NMT1: variants seen among roughly 807,000 people sequenced by gnomAD.
The protein encoded by NMT1 is N-myristoyltransferase 1.
A neutral mutation model predicts 63.4 loss-of-function variants in NMT1; 12 were observed. The observed-to-expected ratio is 0.19, with a 90% confidence interval of 0.12 to 0.31. NMT1 has a LOEUF of 0.31. Among genes scored for constraint, NMT1 ranks in the 10% least tolerant of loss-of-function variants. The pLI is 1.00. For synonymous variants in NMT1, 228 were observed against 234.3 expected, an observed-to-expected ratio of 0.97 and a Z score of 0.25; for missense variants, 432 against 634.6, an observed-to-expected ratio of 0.68 and a Z score of 3.43.
chr17:45,102,606 G>A (rs1264860817), intron 8 of NMT1, among the ~76,000 whole-genome samples: 1 of 152,230 alleles, frequency 6.6e-6, no homozygotes, highest in Non-Finnish European at 1.5e-5. Flanking sequence ...GTGGGCAGAA[G>A]GTACAGCTAG....
At chr17:45,091,536 CA>C (rs1319898445) in intron 3 of NMT1, among the ~76,000 whole-genome samples, 2 of 151,804 alleles carry the variant, frequency 1.3e-5, no homozygotes, top group Non-Finnish European at 2.9e-5. Flanking sequence ...GGAAATAATT[CA>C]GGGGGAAAAA....
chr17:45,096,129 A>G (rs1176434385), intron 4 of NMT1, 65 bp from the exon 5 acceptor site: 29 of 1,181,014 alleles, frequency 2.5e-5, no homozygotes, highest in Middle Eastern at 1.9e-4. Flanking sequence ...CTAGAGCCCC[A>G]GGGTATTGGA....
At chr17:45,089,861 C>T (rs1430885596) in intron 3 of NMT1, among the ~76,000 whole-genome samples, 2 of 151,704 alleles carry the variant, frequency 1.3e-5, no homozygotes, top group African/African-American at 4.8e-5. Flanking sequence ...TGGTCTCAAA[C>T]TCCTAGGCTC....
chr17:45,084,382 T>G lies in NMT1; in HGVS notation c.241-2126T>G, dbSNP rs141026691. Among the ~76,000 whole-genome samples, 237 of 148,336 alleles carry G rather than the reference T, an allele frequency of 1.6e-3. 2 individuals are homozygous for G. The highest frequency in any genetic ancestry group is 5.4e-3 in the African/African-American group (214 of 39,898). The stretch of plus-strand genomic sequence containing the variant: ...CGGAGTCTCGCTCTGTCGCCCAGGC[T>G]AGAGTGCAGTGGCGCAGTCTTGGCT... On this transcript the variant is annotated intron_variant, in intron 2 of 11. Coordinates refer to ENST00000258960, the MANE Select transcript of NMT1 (RefSeq NM_021079.5).
At chr17:45,080,731 A>C (rs1369961383) in intron 1 of NMT1, among the ~76,000 whole-genome samples, 1 of 151,898 alleles carries the variant, frequency 6.6e-6, no homozygotes, top group Non-Finnish European at 1.5e-5. Flanking sequence ...GGCCTCCCAA[A>C]GTGCTGAGAT....
At chr17:45,101,790 A>G (rs568584780) in intron 8 of NMT1, among the ~76,000 whole-genome samples, 1 of 152,204 alleles carries the variant, frequency 6.6e-6, no homozygotes, top group South Asian at 2.1e-4. Context: ...AATCAGGCTA[A>G]TCCACCTAGT....
intron 1 of NMT1, among the ~76,000 whole-genome samples, chr17:45,078,749 C>A (rs896335102): frequency 1.5e-4 from 23 of 151,930 alleles, no homozygotes; most frequent in African/African-American, 5.1e-4. Flanking sequence ...GCAGGCTCCT[C>A]CTCCCAGGCT....
chr17:45,100,562 C>T (rs1465070792), intron 8 of NMT1, among the ~76,000 whole-genome samples: 2 of 142,266 alleles, frequency 1.4e-5, no homozygotes, highest in African/African-American at 2.6e-5. Flanking sequence ...AGCGAGACTC[C>T]GTCTCAAAAT....
chr17:45,104,292 G>A lies in NMT1; in HGVS notation c.1332+416G>A, dbSNP rs973187966. The stretch of plus-strand genomic sequence containing the variant: ...CCCGTCTGTCAGTGCTTTGCTGTGG[G>A]TTCTGGTAACCTGTGCCCAGCCCAG... On this transcript the variant is annotated intron_variant, in intron 10 of 11. Coordinates refer to ENST00000258960, the MANE Select transcript of NMT1 (RefSeq NM_021079.5). This position sits in a 1 kb window ranked among gnomAD's most constrained non-coding sequence, Gnocchi z 4.2. 5 of 1,184,266 alleles carry A rather than the reference G, an allele frequency of 4.2e-6. No homozygotes were observed. The highest frequency in any genetic ancestry group is 8.1e-5 in the Admixed American group (2 of 24,636). 73.4% of individuals were successfully genotyped at this position (1,184,266 alleles called of 1,614,324 possible).
intron 1 of NMT1, among the ~76,000 whole-genome samples, chr17:45,068,244 C>T (rs1231002662): frequency 1.3e-5 from 2 of 152,112 alleles, no homozygotes; most frequent in Non-Finnish European, 2.9e-5. Context: ...GGCTGAAGTG[C>T]GCAGATCACT....
intron 1 of NMT1, among the ~76,000 whole-genome samples, chr17:45,072,241 G>A (rs1317569241): frequency 6.8e-6 from 1 of 146,624 alleles, no homozygotes; most frequent in East Asian, 2.1e-4. Context: ...AACAGAGTAA[G>A]AAACTGTCTT....
At chr17:45,065,623 C>G (rs1294211234) in intron 1 of NMT1, among the ~76,000 whole-genome samples, 1 of 81,734 alleles carries the variant, frequency 1.2e-5, no homozygotes, top group Non-Finnish European at 2.4e-5. Context: ...GACTCTGTCT[C>G]AAAAAAAAAA....
At position 45,108,699 on chromosome 17, in the gene NMT1, C is replaced by T. The variant is rs762322394; in HGVS notation, c.*3060C>T. The stretch of plus-strand genomic sequence containing the variant: ...TGAGGCAGCCTTCTGATGGCCTGGC[C>T]CACCTTCCCCAGAACCAGGGGAGGC... On this transcript the variant is annotated 3_prime_UTR_variant, in exon 12 of 12. Coordinates refer to ENST00000258960, the MANE Select transcript of NMT1 (RefSeq NM_021079.5). The T allele has an allele frequency of 5.3e-5, 8 of 152,352 alleles. No individual in the cohort carries two copies. The highest frequency in any genetic ancestry group is 7.3e-5 in the Non-Finnish European group (5 of 68,064). The allele number at this position is 152,352 out of a possible 1,614,324, so 9.4% of individuals were successfully genotyped here.
intron 7 of NMT1, 69 bp downstream of exon 7, chr17:45,098,621 C>G: frequency 2.1e-6 from 3 of 1,428,506 alleles, no homozygotes; most frequent in South Asian, 2.4e-5. Flanking sequence ...GCATGTGCCA[C>G]TGTGAGTCAC....
In NMT1 at chr17:45,061,348, A is replaced by G; in HGVS notation, c.19A>G (p.Thr7Ala). ...ACTCAAGATGGCGGACGAGAGTGAG[A>G]CAGCAGTGAAGCCGCCGGCACCTCC... The part of the protein sequence containing the change: MADESE[T>A]AVKPPAPPLP... The change falls in exon 1 of 12, where the codon ACA becomes GCA. Residue 7 changes from threonine (T) to alanine (A), a missense_variant. Physicochemically the swap from Thr to Ala is moderately conservative, Grantham distance 58 (BLOSUM62 0). This residue lies in a region of NMT1 where 121 missense variants were observed against 103.7 expected (regional missense o/e 1.17). Transcript: ENST00000258960. 2 of 1,613,978 alleles carry G rather than the reference A, an allele frequency of 1.2e-6. No homozygotes were observed. The highest frequency in any genetic ancestry group is 2.2e-5 in the East Asian group (1 of 44,868).
At chr17:45,085,673 AACATAAG>A (rs1405136087) in intron 2 of NMT1, among the ~76,000 whole-genome samples, 4 of 152,216 alleles carry the variant, frequency 2.6e-5, no homozygotes, top group African/African-American at 2.4e-5. Context: ...GCCATCAAAC[AACATAAG>A]ACTAATAAGG....
intron 8 of NMT1, among the ~76,000 whole-genome samples, chr17:45,101,617 CAAAAAA>C (rs748973404): frequency 7.5e-5 from 4 of 53,348 alleles, no homozygotes; most frequent in Admixed American, 2.4e-4. Context: ...GACTCCGTCG[CAAAAAA>C]AAAAAAAAAA....
rs190670309 is a variant in NMT1 at position 45,104,264 on chromosome 17, G to A, written c.1332+388G>A. ...CATCCAACTGCCAGTAGCGGATGGC[G>A]AGCCCGTCTGTCAGTGCTTTGCTGT... On this transcript the variant is annotated intron_variant, in intron 10 of 11. Transcript: ENST00000258960. This position sits in a 1 kb window ranked among gnomAD's most constrained non-coding sequence, Gnocchi z 4.2. 75 of 1,192,886 alleles carry A rather than the reference G, an allele frequency of 6.3e-5. 1 individual carries two copies. Among genetic ancestry groups the A allele is most frequent in the African/African-American group, 4.0e-4 (25 of 63,086 alleles). The allele number at this position is 1,192,886 out of a possible 1,614,324, so 73.9% of individuals were successfully genotyped here. A position where few individuals can be genotyped will look rare whatever the true frequency, so the allele number is the denominator to read the frequency against.
Position 45,104,077 on chromosome 17 carries a change from A to T in NMT1, c.1332+201A>T. 2.0e-6 allele frequency: 3 copies of T among 1,502,826 alleles called. No homozygotes were observed. The highest frequency in any genetic ancestry group is 2.7e-6 in the Non-Finnish European group (3 of 1,128,506). 93.1% of individuals were successfully genotyped at this position (1,502,826 alleles called of 1,614,324 possible). A position where few individuals can be genotyped will look rare whatever the true frequency, so the allele number is the denominator to read the frequency against. On this transcript the variant is annotated intron_variant, in intron 10 of 11. Transcript: ENST00000258960. This position sits in a 1 kb window ranked among gnomAD's most constrained non-coding sequence, Gnocchi z 4.2. ...AACAAGGAGCATCCGAAGTGAAGGC[A>T]TTGAACTCCTCCTGATTCATTTCAG... is the stretch of plus-strand genomic sequence containing the variant.
Sources: gnomAD v4.1 joint callset for allele counts (sites outside exome capture counted in the v4.1 genomes callset) on GRCh38, gnomAD v4.1.1 for gene constraint, gnomAD v4.1.1 regional missense constraint, Gnocchi (gnomAD v3.1) non-coding constraint, MANE v1.5 for transcripts, NCBI Gene and HGNC (gene_info 2026-07-23, HGNC 2026-07-21) for gene names.